PCDHGA4: variants seen among roughly 807,000 people sequenced by gnomAD.
PCDHGA4 encodes protocadherin gamma subfamily A, 4.
PCDHGA4 carries 38 observed loss-of-function variants against 54.6 expected under a neutral mutation model. The ratio of observed to expected loss-of-function variants is 0.70; its 90% CI spans 0.54 to 0.91. The LOEUF is 0.91. Among genes scored for constraint, PCDHGA4 ranks in the 40% least tolerant of loss-of-function variants. PCDHGA4 has a pLI of 0.00. For missense variants in PCDHGA4, 1,298 were observed against 1,220.9 expected (o/e 1.06, Z -0.94); for synonymous variants, 511 against 512.9 (o/e 1.00, Z 0.05).
chr5:141,376,485 A>G (rs1772740075), intron 1 of PCDHGA4: 1 of 1,614,056 alleles, frequency 6.2e-7, no homozygotes, highest in Non-Finnish European at 8.5e-7. Context: ...CTTGAAACGA[A>G]AGGAGAACCC....
intron 1 of PCDHGA4, chr5:141,362,321 C>G (rs1762436189): frequency 1.2e-6 from 2 of 1,614,078 alleles, no homozygotes; most frequent in Non-Finnish European, 1.7e-6. Context: ...TGTTTTCAGC[C>G]TGGTCTCAGC....
At chr5:141,453,544 C>T (rs540372287) in intron 1 of PCDHGA4, among the ~76,000 whole-genome samples, 12 of 152,310 alleles carry the variant, frequency 7.9e-5, no homozygotes, top group African/African-American at 2.9e-4. Flanking sequence ...ATTCACACCA[C>T]ACTCTGTAGA....
rs542816387 is a variant in PCDHGA4, at chr5:141,394,624, T to G, written c.2514+37003T>G. ...AGAGACTCGGGCCAGAACGCCTGGC[T>G]GTCCTACCGCCTGCTCAAGGCCAGC... On this transcript the variant is annotated intron_variant, in intron 1 of 3. Transcript: ENST00000571252. 2.5e-6 allele frequency: 4 copies of G among 1,613,110 alleles called. No individual in the cohort carries two copies. The South Asian group carries it at 3.3e-5, about 13-fold the overall frequency.
At chr5:141,361,157 A>T in intron 1 of PCDHGA4, 2 of 1,613,974 alleles carry the variant, frequency 1.2e-6, no homozygotes, top group Non-Finnish European at 1.7e-6. Flanking sequence ...CTTGATGACA[A>T]CGATTGTGCA....
chr5:141,465,257 T>C (rs968727090), intron 1 of PCDHGA4, among the ~76,000 whole-genome samples: 19 of 152,310 alleles, frequency 1.2e-4, no homozygotes, highest in Admixed American at 1.2e-3. Flanking sequence ...TTGTAAGCAA[T>C]GATACTAGCC....
At position 141,487,547 on chromosome 5, in the gene PCDHGA4, A is replaced by G. The variant is rs2099649592; in HGVS notation, c.2515-7260A>G. On this transcript the variant is annotated intron_variant, in intron 1 of 3. Coordinates refer to ENST00000571252, the MANE Select transcript of PCDHGA4 (RefSeq NM_018917.4). The surrounding 1 kb of genome is among the most constrained non-coding windows in gnomAD (Gnocchi z 5.0). ...TAGCTTCATGATGGTGAAGTCACCC[A>G]GTGCACCTATGGCAGGGGAGCCTGT... 2 of 1,614,216 alleles carry G rather than the reference A, an allele frequency of 1.2e-6. No individual in the cohort carries two copies. Among genetic ancestry groups the G allele is most frequent in the Non-Finnish European group, 8.5e-7 (1 of 1,180,046 alleles).
At chr5:141,408,228 G>C (rs1233027944) in intron 1 of PCDHGA4, 2 of 1,564,122 alleles carry the variant, frequency 1.3e-6, no homozygotes, top group South Asian at 2.3e-5. Flanking sequence ...GCGCAGAGGC[G>C]CCGGGCCGGC....
chr5:141,472,045 TA>T (rs1227282207), intron 1 of PCDHGA4, among the ~76,000 whole-genome samples: 3 of 152,170 alleles, frequency 2.0e-5, no homozygotes, highest in Non-Finnish European at 4.4e-5. Flanking sequence ...GAAAAGATTT[TA>T]AAAATGATTG....
chr5:141,425,943 C>T (rs2096904576), intron 1 of PCDHGA4, among the ~76,000 whole-genome samples: 1 of 152,220 alleles, frequency 6.6e-6, no homozygotes, highest in African/African-American at 2.4e-5. Flanking sequence ...TGTCTAGTTT[C>T]CTATACATTA....
At chr5:141,375,622 TCTGTACGCC>T in intron 1 of PCDHGA4, 1 of 1,614,200 alleles carries the variant, frequency 6.2e-7, no homozygotes. Flanking sequence ...ACACTGGGAT[TCTGTACGCC>T]CTGCGCTCCT....
intron 1 of PCDHGA4, chr5:141,376,660 T>C (rs1772971230): frequency 1.1e-6 from 1 of 886,650 alleles, no homozygotes; most frequent in African/African-American, 1.8e-5. Flanking sequence ...GACTCCCTTG[T>C]TCAGGTGAGG....
intron 1 of PCDHGA4, among the ~76,000 whole-genome samples, chr5:141,380,345 TG>T (rs1448564641): frequency 6.6e-6 from 1 of 152,202 alleles, no homozygotes; most frequent in African/African-American, 2.4e-5. Context: ...AGAACTGTTT[TG>T]TTGTTTGTTT....
At chr5:141,433,607 G>A (rs1209706866) in intron 1 of PCDHGA4, among the ~76,000 whole-genome samples, 2 of 152,078 alleles carry the variant, frequency 1.3e-5, no homozygotes, top group East Asian at 1.9e-4. Context: ...AGGCCGAGGC[G>A]GGTGGATCAC....
At chr5:141,474,041 GC>G (rs1242668125) in intron 1 of PCDHGA4, among the ~76,000 whole-genome samples, 3 of 152,140 alleles carry the variant, frequency 2.0e-5, no homozygotes. Context: ...CTGTACTCCA[GC>G]CTGGATGACA....
In PCDHGA4 at chr5:141,511,599, C is replaced by G; in HGVS notation, c.*426C>G. 4.0e-6 allele frequency: 1 copy of G among 252,540 alleles called. No homozygotes were observed. Among genetic ancestry groups the G allele is most frequent in the South Asian group, 5.2e-5 (1 of 19,398 alleles). 15.6% of individuals were successfully genotyped at this position (252,540 alleles called of 1,614,324 possible). ...GTTGGGGTGTTGAAGTACCAAGTAA[C>G]CTACAAGCCTCCTAGTTCTGAAAAG... On this transcript the variant is annotated 3_prime_UTR_variant, in exon 4 of 4. Coordinates refer to ENST00000571252, the MANE Select transcript of PCDHGA4 (RefSeq NM_018917.4).
Position 141,357,072 on chromosome 5 carries a change from C to A in PCDHGA4, c.1965C>A (p.Gly655=), listed in dbSNP as rs745612694. The change falls in exon 1 of 4, where the codon GGC becomes GGA. Residue 655 remains glycine, a synonymous_variant. Coordinates refer to ENST00000571252, the MANE Select transcript of PCDHGA4 (RefSeq NM_018917.4). The part of the protein sequence containing the change: ...PGLFAVGLHT[G]EVRTARALLD... ...TATTTGCAGTGGGGCTGCACACAGG[C>A]GAGGTGCGCACCGCACGGGCCCTGC... 33 of 1,613,960 alleles carry A rather than the reference C, an allele frequency of 2.0e-5. 1 individual carries two copies. Among genetic ancestry groups the A allele is most frequent in the South Asian group, 1.8e-4 (16 of 91,092 alleles).
intron 1 of PCDHGA4, chr5:141,414,843 G>A: frequency 3.7e-6 from 6 of 1,614,218 alleles, no homozygotes; most frequent in Non-Finnish European, 5.1e-6. Context: ...GCCTGTTTGT[G>A]CTGGACCAGA....
intron 1 of PCDHGA4, among the ~76,000 whole-genome samples, chr5:141,481,008 A>G (rs2099529606): frequency 6.6e-6 from 1 of 152,224 alleles, no homozygotes; most frequent in Non-Finnish European, 1.5e-5. Context: ...CAGTGAGCCC[A>G]GATCACACCA....
At chr5:141,373,959 T>A (rs1045656006) in intron 1 of PCDHGA4, 78 of 924,258 alleles carry the variant, frequency 8.4e-5, no homozygotes, top group Admixed American at 1.4e-4. Context: ...AATTCTGACC[T>A]GAAACGCTTC....
Sources: gnomAD v4.1 joint callset for allele counts (sites outside exome capture counted in the v4.1 genomes callset) on GRCh38, gnomAD v4.1.1 for gene constraint, Gnocchi (gnomAD v3.1) non-coding constraint, MANE v1.5 for transcripts, NCBI Gene and HGNC (gene_info 2026-07-23, HGNC 2026-07-21) for gene names.